Variants in ARHGAP15 observed in about 807,000 individuals in gnomAD.
ARHGAP15 encodes rho GTPase-activating protein 15.
ARHGAP15 carries 51 observed loss-of-function variants against 63.7 expected under a neutral mutation model. That is an observed-to-expected ratio of 0.80 (90% CI 0.64 to 1.01). The LOEUF is 1.01. Among genes scored for constraint, ARHGAP15 ranks in the 50% least tolerant of loss-of-function variants. ARHGAP15 has a pLI of 0.00. For synonymous variants in ARHGAP15, 191 were observed against 193.8 expected (o/e 0.99, Z 0.12); for missense variants, 560 against 564.6 (o/e 0.99, Z 0.08).
rs184458664 is a variant in ARHGAP15 at position 143,709,735 on chromosome 2, G to A, written c.1244+6211G>A. Among the ~76,000 whole-genome samples the A allele has an allele frequency of 6.6e-5, 10 of 152,032 alleles. No individual in the cohort carries two copies. The East Asian group carries it at 2.0e-3, about 30-fold the overall frequency. On this transcript the variant is annotated intron_variant, in intron 13 of 13. Coordinates refer to ENST00000295095, the MANE Select transcript of ARHGAP15 (RefSeq NM_018460.4). ...AATATTCTACAAAAGCATGTCAGAG[G>A]CAACTTAAATGATAATGACCTAGAA...
intron 1 of ARHGAP15, among the ~76,000 whole-genome samples, chr2:143,146,713 GA>G (rs545581015): frequency 6.6e-6 from 1 of 152,054 alleles, no homozygotes; most frequent in Non-Finnish European, 1.5e-5. Context: ...GAGATACTCT[GA>G]AAACTTTTAT....
chr2:143,496,605 C>G (rs1376599313), intron 9 of ARHGAP15, among the ~76,000 whole-genome samples: 1 of 152,136 alleles, frequency 6.6e-6, no homozygotes, highest in Non-Finnish European at 1.5e-5. Flanking sequence ...GTATGTAACT[C>G]ACTATACTTT....
intron 6 of ARHGAP15, among the ~76,000 whole-genome samples, chr2:143,285,894 T>C (rs1318913745): frequency 6.6e-6 from 1 of 152,168 alleles, no homozygotes; most frequent in East Asian, 1.9e-4. Context: ...ATCAAACCAT[T>C]ATATACCATT....
chr2:143,610,976 A>G (rs1488000903), intron 11 of ARHGAP15, among the ~76,000 whole-genome samples: 1 of 151,670 alleles, frequency 6.6e-6, no homozygotes, highest in Non-Finnish European at 1.5e-5. Flanking sequence ...TGATCCAACC[A>G]CCTTGGCCTC....
chr2:143,464,529 A>C (rs1691111683), intron 8 of ARHGAP15, among the ~76,000 whole-genome samples: 1 of 152,190 alleles, frequency 6.6e-6, no homozygotes, highest in Admixed American at 6.5e-5. Context: ...ATTCATGTAA[A>C]TTTGGAAAAC....
At chr2:143,617,204 A>T (rs1189039559) in intron 11 of ARHGAP15, among the ~76,000 whole-genome samples, 1 of 152,154 alleles carries the variant, frequency 6.6e-6, no homozygotes, top group Non-Finnish European at 1.5e-5. Flanking sequence ...TAAAGAGCTA[A>T]CTCTGTTGTT....
At chr2:143,633,183 T>C (rs1680139167) in intron 12 of ARHGAP15, among the ~76,000 whole-genome samples, 1 of 152,162 alleles carries the variant, frequency 6.6e-6, no homozygotes, top group South Asian at 2.1e-4. Flanking sequence ...GGTTGCTTTT[T>C]AATGTGTGTG....
At chr2:143,409,546 T>G (rs1201363015) in intron 6 of ARHGAP15, among the ~76,000 whole-genome samples, 1 of 152,020 alleles carries the variant, frequency 6.6e-6, no homozygotes, top group Admixed American at 6.6e-5. Context: ...TCTGAAAAAA[T>G]GTTATTATTC....
intron 11 of ARHGAP15, 142 bp from the exon 12 acceptor site, chr2:143,623,991 A>T: frequency 1.1e-6 from 1 of 938,954 alleles, no homozygotes. Flanking sequence ...GGGAGGAAAA[A>T]AAAATGCACA....
chr2:143,503,805 G>A (rs1468204028), intron 9 of ARHGAP15, among the ~76,000 whole-genome samples: 2 of 152,170 alleles, frequency 1.3e-5, no homozygotes, highest in Non-Finnish European at 2.9e-5. Context: ...TATGCTACAG[G>A]TATGATTGTT....
At chr2:143,135,923 C>T (rs1689115522) in intron 1 of ARHGAP15, among the ~76,000 whole-genome samples, 1 of 152,078 alleles carries the variant, frequency 6.6e-6, no homozygotes, top group South Asian at 2.1e-4. Flanking sequence ...TATTTCAAGA[C>T]CAAATCTTTT....
chr2:143,469,703 G>A (rs1414824278), intron 8 of ARHGAP15, among the ~76,000 whole-genome samples: 2 of 152,178 alleles, frequency 1.3e-5, no homozygotes, highest in African/African-American at 2.4e-5. Context: ...ACAATGAAAA[G>A]GATATGAGAT....
chr2:143,264,601 T>C (rs1680899359), intron 6 of ARHGAP15, among the ~76,000 whole-genome samples: 1 of 152,030 alleles, frequency 6.6e-6, no homozygotes, highest in South Asian at 2.1e-4. Context: ...GTAATGACAG[T>C]CCCGGGCTTG....
intron 6 of ARHGAP15, among the ~76,000 whole-genome samples, chr2:143,312,559 T>G (rs1390083657): frequency 6.6e-6 from 1 of 152,188 alleles, no homozygotes; most frequent in Non-Finnish European, 1.5e-5. Context: ...TTCAGGCCTT[T>G]AAACTTTTTT....
At chr2:143,377,400 CAT>C (rs1414230657) in intron 6 of ARHGAP15, among the ~76,000 whole-genome samples, 1 of 151,716 alleles carries the variant, frequency 6.6e-6, no homozygotes, top group Non-Finnish European at 1.5e-5. Flanking sequence ...TTTTGTAATA[CAT>C]AATTATTTCA....
At chr2:143,253,668 C>A (rs917688037) in intron 6 of ARHGAP15, among the ~76,000 whole-genome samples, 1 of 150,588 alleles carries the variant, frequency 6.6e-6, no homozygotes, top group Non-Finnish European at 1.5e-5. Flanking sequence ...TAAAAGAATT[C>A]TATAATAAAG....
At chr2:143,750,966 TC>T (rs1686349765) in intron 13 of ARHGAP15, among the ~76,000 whole-genome samples, 1 of 152,204 alleles carries the variant, frequency 6.6e-6, no homozygotes, top group South Asian at 2.1e-4. Context: ...GCTGTTCAGA[TC>T]TAGGCTCCAC....
intron 3 of ARHGAP15, among the ~76,000 whole-genome samples, chr2:143,214,763 A>G (rs1230160830): frequency 2.0e-5 from 3 of 152,216 alleles, no homozygotes; most frequent in Non-Finnish European, 4.4e-5. Context: ...AATGCATTTT[A>G]AAACTAAGTC....
At chr2:143,513,816 C>T (rs1381328424) in intron 9 of ARHGAP15, among the ~76,000 whole-genome samples, 2 of 152,146 alleles carry the variant, frequency 1.3e-5, no homozygotes, top group South Asian at 2.1e-4. Flanking sequence ...TTGCCAAACC[C>T]GACTGAATCA....
Sources: allele counts gnomAD v4.1 joint callset (sites outside exome capture counted in the v4.1 genomes callset), GRCh38; gene constraint gnomAD v4.1.1; transcripts MANE v1.5; gene names NCBI Gene and HGNC (gene_info 2026-07-23, HGNC 2026-07-21).